CSMD3: variants seen among roughly 807,000 people sequenced by gnomAD.
CSMD3 encodes the protein CUB and Sushi multiple domains 3, also known as CUB and sushi domain-containing protein 3.
Under a neutral mutation model 435.2 loss-of-function variants are expected in CSMD3, and 177 were observed. That is an observed-to-expected ratio of 0.41 (90% CI 0.36 to 0.46). The LOEUF is 0.46. Among genes scored for constraint, CSMD3 ranks in the 20% least tolerant of loss-of-function variants. The pLI is 0.34. For synonymous variants in CSMD3, 1,656 were observed against 1,520.5 expected (o/e 1.09, Z -2.07); for missense variants, 4,265 against 4,504.6 (o/e 0.95, Z 1.52).
chr8:112,519,746 C>T (rs1439958997), intron 27 of CSMD3, among the ~76,000 whole-genome samples: 2 of 152,070 alleles, frequency 1.3e-5, no homozygotes, highest in African/African-American at 4.8e-5. Context: ...TTGAGAAAAT[C>T]GAGGCTTAAA....
At chr8:113,342,251 C>A (rs1341545027) in intron 1 of CSMD3, among the ~76,000 whole-genome samples, 1 of 152,096 alleles carries the variant, frequency 6.6e-6, no homozygotes, top group East Asian at 1.9e-4. Context: ...AAACACTAGA[C>A]TATAACATCA....
intron 1 of CSMD3, among the ~76,000 whole-genome samples, chr8:113,434,620 A>T (rs973958012): frequency 6.6e-6 from 1 of 152,168 alleles, no homozygotes; most frequent in East Asian, 1.9e-4. Context: ...ACATTGAAAA[A>T]AAATGTTTTT....
At chr8:113,230,422 T>G (rs1327305310) in intron 3 of CSMD3, among the ~76,000 whole-genome samples, 1 of 151,642 alleles carries the variant, frequency 6.6e-6, no homozygotes, top group Non-Finnish European at 1.5e-5. Context: ...AATACTCAAA[T>G]TTTTGTACAG....
Position 112,263,686 on chromosome 8 carries a change from G to A in CSMD3, c.9815C>T (p.Thr3272Ile), listed in dbSNP as rs753808613. 47 of 1,613,558 alleles carry A rather than the reference G, an allele frequency of 2.9e-5. No homozygotes were observed. The highest frequency in any genetic ancestry group is 3.3e-4 in the Middle Eastern group (2 of 6,080). Residue 3272 changes from threonine to isoleucine, a missense_variant, in exon 61 of 71, where the codon ACC becomes ATC. By Grantham distance (89) the Thr-to-Ile change is moderately conservative. Coordinates refer to ENST00000297405, the MANE Select transcript of CSMD3 (RefSeq NM_198123.2). ...GYELSFPAVL[T>I]CVGNGTWSGE... is the part of the protein sequence containing the mutation. The stretch of plus-strand genomic sequence containing the variant: ...ACTCCAGGTACCATTCCCTACACAG[G>A]TCAAAACAGCAGGGAAGGATAGCTC...
intron 27 of CSMD3, among the ~76,000 whole-genome samples, chr8:112,533,995 G>A (rs1825799211): frequency 6.6e-6 from 1 of 151,900 alleles, no homozygotes; most frequent in African/African-American, 2.4e-5. Context: ...GAAATTAAAT[G>A]ACATGCTCCT....
intron 32 of CSMD3, among the ~76,000 whole-genome samples, chr8:112,420,954 G>T (rs773399446): frequency 6.6e-5 from 10 of 152,074 alleles, no homozygotes; most frequent in Non-Finnish European, 1.2e-4. Flanking sequence ...ACTCTGCCAT[G>T]CCTTTTCTGC....
At chr8:112,262,039 A>G (rs1233587912) in intron 61 of CSMD3, among the ~76,000 whole-genome samples, 2 of 151,940 alleles carry the variant, frequency 1.3e-5, no homozygotes, top group Non-Finnish European at 2.9e-5. Flanking sequence ...ATATTTTTTC[A>G]CTTTTTCATT....
intron 1 of CSMD3, among the ~76,000 whole-genome samples, chr8:113,371,868 C>G (rs922344189): frequency 5.3e-5 from 8 of 151,952 alleles, no homozygotes; most frequent in Non-Finnish European, 8.8e-5. Flanking sequence ...AAGCAAAAAG[C>G]CAACAAGGAA....
At chr8:112,718,092 A>T (rs2076773459) in intron 13 of CSMD3, among the ~76,000 whole-genome samples, 1 of 152,102 alleles carries the variant, frequency 6.6e-6, no homozygotes, top group African/African-American at 2.4e-5. Context: ...AAAATAATAA[A>T]AAATAGACTC....
intron 3 of CSMD3, among the ~76,000 whole-genome samples, chr8:113,227,985 A>G (rs571306848): frequency 4.1e-4 from 62 of 151,726 alleles, no homozygotes; most frequent in African/African-American, 1.4e-3. Context: ...TAGAAGTCAC[A>G]TAATCTGTGT....
chr8:112,241,695 T>C lies in CSMD3; in HGVS notation c.10468+25A>G, dbSNP rs372671571. ...GACCATTTTTAGAAATAATGAACTC[T>C]AGAAAAACAAATGACATTACTAACC... On this transcript the variant is annotated intron_variant, in intron 66 of 70. Transcript: ENST00000297405. The C allele has an allele frequency of 4.5e-6, 7 of 1,559,544 alleles. No homozygotes were observed. In the African/African-American group the frequency reaches 6.8e-5, roughly 15 times the overall value.
chr8:112,954,850 T>A (rs981727662), intron 7 of CSMD3, 89 bp from the exon 8 acceptor site: 1 of 817,610 alleles, frequency 1.2e-6, no homozygotes, highest in Non-Finnish European at 2.0e-6. Context: ...CATGGACTTA[T>A]GCAAGATAAA....
At chr8:112,615,059 T>C (rs963168529) in intron 22 of CSMD3, among the ~76,000 whole-genome samples, 3 of 152,140 alleles carry the variant, frequency 2.0e-5, no homozygotes, top group Non-Finnish European at 4.4e-5. Flanking sequence ...ACTGGTCTTA[T>C]AGAATATACA....
rs145950756 is a variant in CSMD3 at position 112,941,296 on chromosome 8, T to C, written c.1508+6494A>G. On this transcript the variant is annotated intron_variant, in intron 9 of 70. Coordinates refer to ENST00000297405, the MANE Select transcript of CSMD3 (RefSeq NM_198123.2). ...TACCACACAAAATATGAATGGAAGA[T>C]TGGGAATATTTTGAAGCATTTTGAA... 2.3e-3 allele frequency among the ~76,000 whole-genome samples: 350 copies of C among 151,858 alleles called. 1 individual carries two copies. Among genetic ancestry groups the C allele is most frequent in the African/African-American group, 8.0e-3 (333 of 41,508 alleles).
intron 41 of CSMD3, among the ~76,000 whole-genome samples, chr8:112,343,017 T>TTA (rs1231941595): frequency 2.1e-3 from 110 of 52,542 alleles, no homozygotes; most frequent in African/African-American, 4.5e-3. Flanking sequence ...ATATATATAT[T>TTA]TATATATATA....
intron 27 of CSMD3, among the ~76,000 whole-genome samples, chr8:112,524,820 C>A (rs1056346647): frequency 6.6e-6 from 1 of 151,840 alleles, no homozygotes; most frequent in African/African-American, 2.4e-5. Flanking sequence ...CAAAAAGCAT[C>A]TTCTTTATAT....
At chr8:112,569,351 T>C (rs1423485769) in intron 24 of CSMD3, among the ~76,000 whole-genome samples, 2 of 152,102 alleles carry the variant, frequency 1.3e-5, no homozygotes, top group South Asian at 2.1e-4. Flanking sequence ...CACTCTTCAC[T>C]TTTTCTTATA....
At chr8:112,476,555 C>T (rs947707154) in intron 31 of CSMD3, among the ~76,000 whole-genome samples, 6 of 152,054 alleles carry the variant, frequency 3.9e-5, no homozygotes, top group Non-Finnish European at 8.8e-5. Flanking sequence ...TAAGAACATA[C>T]TTTGCAAAAG....
At chr8:113,143,363 T>C (rs1448509356) in intron 4 of CSMD3, among the ~76,000 whole-genome samples, 1 of 151,340 alleles carries the variant, frequency 6.6e-6, no homozygotes, top group African/African-American at 2.4e-5. Flanking sequence ...CACTTACATA[T>C]CACCAGCGGA....
Sources: allele counts gnomAD v4.1 joint callset (sites outside exome capture counted in the v4.1 genomes callset), GRCh38; gene constraint gnomAD v4.1.1; transcripts MANE v1.5; gene names NCBI Gene and HGNC (gene_info 2026-07-23, HGNC 2026-07-21).